Variants in PTPRD observed in about 807,000 individuals in gnomAD.
PTPRD encodes the protein receptor-type tyrosine-protein phosphatase delta.
Under a neutral mutation model 214.5 loss-of-function variants are expected in PTPRD, and 34 were observed. That is an observed-to-expected ratio of 0.16 (90% CI 0.12 to 0.21). The LOEUF (loss-of-function observed/expected upper bound fraction) is 0.21, where lower values mean the gene tolerates loss of function less well. Among genes scored for constraint, PTPRD ranks in the 10% least tolerant of loss-of-function variants. The pLI is 1.00. For synonymous variants in PTPRD, 1,128 were observed against 845.7 expected (o/e 1.33, Z -5.79); for missense variants, 2,545 against 2,398.7 (o/e 1.06, Z -1.27).
chr9:9,281,201 G>C (rs1947570640), intron 9 of PTPRD, among the ~76,000 whole-genome samples: 1 of 151,174 alleles, frequency 6.6e-6, no homozygotes, highest in African/African-American at 2.4e-5. Flanking sequence ...TAGGTATGGT[G>C]ATGGCTTTTT....
intron 2 of PTPRD, among the ~76,000 whole-genome samples, chr9:10,469,797 G>A (rs886250852): frequency 6.6e-6 from 1 of 152,080 alleles, no homozygotes; most frequent in African/African-American, 2.4e-5. Flanking sequence ...AATGTCATAT[G>A]TATACATAAT....
At chr9:10,469,461 C>G (rs958574859) in intron 2 of PTPRD, among the ~76,000 whole-genome samples, 1 of 152,060 alleles carries the variant, frequency 6.6e-6, no homozygotes, top group Admixed American at 6.6e-5. Context: ...TAGCAATGCA[C>G]TAATTATACT....
intron 35 of PTPRD, among the ~76,000 whole-genome samples, chr9:8,419,541 C>G (rs1207059964): frequency 1.3e-5 from 2 of 151,842 alleles, no homozygotes; most frequent in Non-Finnish European, 2.9e-5. Context: ...AAGATAGAGC[C>G]TCTTTTACCA....
At chr9:9,335,999 T>C (rs564520812) in intron 9 of PTPRD, among the ~76,000 whole-genome samples, 5 of 152,082 alleles carry the variant, frequency 3.3e-5, no homozygotes, top group Admixed American at 3.3e-4. Flanking sequence ...ATCTAAGAAA[T>C]TGGAATTTCA....
At chr9:10,214,205 A>G (rs2099530105) in intron 3 of PTPRD, among the ~76,000 whole-genome samples, 1 of 152,102 alleles carries the variant, frequency 6.6e-6, no homozygotes, top group Admixed American at 6.6e-5. Context: ...CTAGAAAAAT[A>G]TGGAAATTCC....
At chr9:10,158,543 G>A (rs902894541) in intron 3 of PTPRD, among the ~76,000 whole-genome samples, 2 of 152,050 alleles carry the variant, frequency 1.3e-5, no homozygotes, top group Non-Finnish European at 2.9e-5. Flanking sequence ...CCACTCATAG[G>A]AAACCAGAAA....
At chr9:8,706,137 TTC>T (rs2098201965) in intron 12 of PTPRD, among the ~76,000 whole-genome samples, 1 of 152,144 alleles carries the variant, frequency 6.6e-6, no homozygotes, top group African/African-American at 2.4e-5. Context: ...ACTTCCACAA[TTC>T]TCCTCAAGAG....
At chr9:9,564,598 C>G (rs965191391) in intron 8 of PTPRD, among the ~76,000 whole-genome samples, 11 of 151,896 alleles carry the variant, frequency 7.2e-5, no homozygotes, top group Non-Finnish European at 1.3e-4. Context: ...TTTTTTTAAA[C>G]AATTTTCAAA....
intron 2 of PTPRD, among the ~76,000 whole-genome samples, chr9:10,606,781 G>A (rs967645217): frequency 3.3e-5 from 5 of 151,928 alleles, no homozygotes; most frequent in South Asian, 4.1e-4. Flanking sequence ...TTCTCTGTTC[G>A]TGTAGCTGCT....
chr9:10,103,395 T>TATATATATATATATATA lies in PTPRD; in HGVS notation c.-544-69606_-544-69605insTATATATATATATATAT, dbSNP rs34926923. On this transcript the variant is annotated intron_variant, in intron 3 of 45. Coordinates refer to ENST00000381196, the MANE Select transcript of PTPRD (RefSeq NM_002839.4). ...CTGCATATTATATATATATATATAT[T>TATATATATATATATATA]TATTTAAGAGCATTGCAGTAAGAAA... Among the ~76,000 whole-genome samples the TATATATATATATATATA allele has an allele frequency of 7.8e-3, 912 of 116,572 alleles. 75 individuals carry two copies. Among genetic ancestry groups the TATATATATATATATATA allele is most frequent in the African/African-American group, 0.021 (651 of 31,370 alleles). 76.5% of individuals were successfully genotyped at this position (116,572 alleles called of 152,430 possible).
At chr9:8,885,017 A>G (rs561362118) in intron 11 of PTPRD, among the ~76,000 whole-genome samples, 26 of 152,300 alleles carry the variant, frequency 1.7e-4, no homozygotes, top group African/African-American at 5.3e-4. Context: ...GCTTTTGAGA[A>G]TGGGATGGAA....
Position 8,757,115 on chromosome 9 carries a change from G to A in PTPRD, c.-103-23169C>T, listed in dbSNP as rs140290898. 5.4e-3 allele frequency among the ~76,000 whole-genome samples: 821 copies of A among 152,206 alleles called. 9 individuals carry two copies. The highest frequency in any genetic ancestry group is 0.019 in the African/African-American group (778 of 41,524). On this transcript the variant is annotated intron_variant, in intron 11 of 45. Coordinates refer to ENST00000381196, the MANE Select transcript of PTPRD (RefSeq NM_002839.4). ...CAAGATCGTGCCAGTGCACTCCAGC[G>A]TGGGCAACAGAGTGAGACTCCATCT...
intron 5 of PTPRD, among the ~76,000 whole-genome samples, chr9:9,800,358 T>C (rs1482539748): frequency 6.6e-6 from 1 of 152,130 alleles, no homozygotes; most frequent in Non-Finnish European, 1.5e-5. Context: ...ATTTAAGATA[T>C]TCCCCAGTTT....
intron 10 of PTPRD, among the ~76,000 whole-genome samples, chr9:9,138,794 T>C (rs2099855141): frequency 6.6e-6 from 1 of 152,114 alleles, no homozygotes; most frequent in South Asian, 2.1e-4. Flanking sequence ...TTAATAAGCA[T>C]TTTTTTGATA....
intron 7 of PTPRD, among the ~76,000 whole-genome samples, chr9:9,645,479 ATT>A (rs1554767214): frequency 1.4e-5 from 2 of 141,868 alleles, no homozygotes; most frequent in Non-Finnish European, 3.1e-5. Flanking sequence ...ATATATATAT[ATT>A]TTCTATTTGC....
intron 11 of PTPRD, among the ~76,000 whole-genome samples, chr9:8,767,691 T>A (rs2094868148): frequency 6.6e-6 from 1 of 152,118 alleles, no homozygotes; most frequent in Non-Finnish European, 1.5e-5. Context: ...GAGTTAAAAA[T>A]TTTGTGTTTG....
chr9:8,537,884 T>C (rs2077343192), intron 14 of PTPRD, among the ~76,000 whole-genome samples: 1 of 152,040 alleles, frequency 6.6e-6, no homozygotes, highest in Non-Finnish European at 1.5e-5. Context: ...TGTCTAAATG[T>C]GGTAGCTCCA....
chr9:9,001,521 G>A (rs557750253), intron 11 of PTPRD, among the ~76,000 whole-genome samples: 135 of 152,022 alleles, frequency 8.9e-4, no homozygotes, highest in Non-Finnish European at 1.7e-3. Flanking sequence ...CTAGATAAAT[G>A]GCACCACAGG....
intron 12 of PTPRD, among the ~76,000 whole-genome samples, chr9:8,730,820 G>A (rs934666632): frequency 6.6e-6 from 1 of 152,162 alleles, no homozygotes; most frequent in African/African-American, 2.4e-5. Context: ...GGCCAGCCCT[G>A]AAGAAGAGCT....
Sources: gnomAD v4.1 joint callset for allele counts (sites outside exome capture counted in the v4.1 genomes callset) on GRCh38, gnomAD v4.1.1 for gene constraint, MANE v1.5 for transcripts, NCBI Gene and HGNC (gene_info 2026-07-23, HGNC 2026-07-21) for gene names.